Variants in SAMD4A observed in about 807,000 individuals in gnomAD.
SAMD4A encodes the protein sterile alpha motif domain containing 4A.
A neutral mutation model predicts 81.3 loss-of-function variants in SAMD4A; 33 were observed. The observed-to-expected ratio is 0.41, with a 90% CI of 0.31 to 0.54. The LOEUF (loss-of-function observed/expected upper bound fraction) is 0.54, where lower values mean the gene tolerates loss of function less well. SAMD4A is among the 20% of genes least tolerant of loss of function. SAMD4A has a pLI of 0.37. For missense variants in SAMD4A, 854 were observed against 951.1 expected (o/e 0.90, Z 1.34); for synonymous variants, 389 against 382.1 (o/e 1.02, Z -0.21).
At chr14:54,764,636 C>G in intron 8 of SAMD4A, 96 bp downstream of exon 8, 2 of 818,468 alleles carry the variant, frequency 2.4e-6, no homozygotes, top group Non-Finnish European at 4.0e-6. Flanking sequence ...CCTCCAACAA[C>G]TTGTTTTTGA....
chr14:54,614,504 C>A (rs1366911901), intron 2 of SAMD4A, among the ~76,000 whole-genome samples: 1 of 152,122 alleles, frequency 6.6e-6, no homozygotes, highest in Non-Finnish European at 1.5e-5. Flanking sequence ...ATACCATAAA[C>A]TTGGGTATTA....
At chr14:54,784,989 T>G (rs1162688425) in intron 12 of SAMD4A, among the ~76,000 whole-genome samples, 1 of 152,166 alleles carries the variant, frequency 6.6e-6, no homozygotes, top group Non-Finnish European at 1.5e-5. Flanking sequence ...TGGCTTTTAG[T>G]AGGAATATCC....
intron 2 of SAMD4A, among the ~76,000 whole-genome samples, chr14:54,686,421 A>C (rs1425497395): frequency 1.3e-5 from 2 of 152,202 alleles, no homozygotes; most frequent in Non-Finnish European, 2.9e-5. Flanking sequence ...GCGTCATATA[A>C]CAGTGAATTC....
At chr14:54,755,129 C>T (rs960839874) in intron 6 of SAMD4A, among the ~76,000 whole-genome samples, 23 of 152,026 alleles carry the variant, frequency 1.5e-4, no homozygotes, top group African/African-American at 5.6e-4. Context: ...CTTGATGGGA[C>T]CTTGAACCAA....
chr14:54,688,425 G>A, intron 2 of SAMD4A: 1 of 928,318 alleles, frequency 1.1e-6, no homozygotes. Flanking sequence ...TGAGCCTGTG[G>A]TAAAGATGCT....
intron 11 of SAMD4A, among the ~76,000 whole-genome samples, chr14:54,781,728 T>C (rs2039003568): frequency 1.3e-5 from 2 of 151,986 alleles, no homozygotes; most frequent in East Asian, 3.9e-4. Context: ...ACAGCAAGGG[T>C]TGGCCTGGTG....
At chr14:54,716,944 C>A (rs1381638278) in intron 3 of SAMD4A, among the ~76,000 whole-genome samples, 1 of 152,120 alleles carries the variant, frequency 6.6e-6, no homozygotes, top group Non-Finnish European at 1.5e-5. Flanking sequence ...TTCCCAGATA[C>A]ATCAGGAGTT....
At chr14:54,690,264 T>G (rs1348052391) in intron 2 of SAMD4A, among the ~76,000 whole-genome samples, 2 of 151,994 alleles carry the variant, frequency 1.3e-5, no homozygotes, top group African/African-American at 4.8e-5. Context: ...GGTGGATTCT[T>G]AAACTACATC....
intron 2 of SAMD4A, among the ~76,000 whole-genome samples, chr14:54,699,922 C>T (rs2036670017): frequency 7.1e-6 from 1 of 141,460 alleles, no homozygotes; most frequent in Non-Finnish European, 1.5e-5. Context: ...GAGACTTCTA[C>T]AAGTAGTTGA....
intron 2 of SAMD4A, among the ~76,000 whole-genome samples, chr14:54,646,296 A>G (rs1226159730): frequency 6.6e-6 from 1 of 152,194 alleles, no homozygotes; most frequent in African/African-American, 2.4e-5. Flanking sequence ...GTACTACCTA[A>G]GAAGAGGCCT....
intron 2 of SAMD4A, among the ~76,000 whole-genome samples, chr14:54,642,931 A>G (rs902341185): frequency 3.3e-5 from 5 of 152,152 alleles, no homozygotes; most frequent in Admixed American, 3.3e-4. Flanking sequence ...AGTGAGCCCA[A>G]TATGTGGGGT....
At chr14:54,721,190 G>A (rs1194561378) in intron 3 of SAMD4A, among the ~76,000 whole-genome samples, 1 of 152,126 alleles carries the variant, frequency 6.6e-6, no homozygotes, top group East Asian at 1.9e-4. Context: ...CAGGAACCTG[G>A]TCTTGTTCAC....
chr14:54,621,934 C>T (rs544652900), intron 2 of SAMD4A, among the ~76,000 whole-genome samples: 1 of 152,226 alleles, frequency 6.6e-6, no homozygotes, highest in African/African-American at 2.4e-5. Context: ...TATCCTTACT[C>T]ATTGTGTATT....
intron 2 of SAMD4A, among the ~76,000 whole-genome samples, chr14:54,671,294 T>C (rs1053373779): frequency 1.3e-5 from 2 of 152,154 alleles, no homozygotes; most frequent in African/African-American, 4.8e-5. Context: ...GAACCTTGGC[T>C]TTACTACTTA....
chr14:54,708,490 G>T (rs1384419519), intron 3 of SAMD4A, among the ~76,000 whole-genome samples: 2 of 152,192 alleles, frequency 1.3e-5, no homozygotes, highest in Non-Finnish European at 2.9e-5. Flanking sequence ...CACATGGGTG[G>T]TATTTAATGC....
intron 3 of SAMD4A, among the ~76,000 whole-genome samples, chr14:54,722,924 T>C (rs1215928544): frequency 6.6e-6 from 1 of 152,148 alleles, no homozygotes; most frequent in Non-Finnish European, 1.5e-5. Context: ...ACTTCTACTT[T>C]CAATAAAATG....
chr14:54,649,004 G>A (rs1342876939), intron 2 of SAMD4A, among the ~76,000 whole-genome samples: 1 of 152,206 alleles, frequency 6.6e-6, no homozygotes, highest in Non-Finnish European at 1.5e-5. Context: ...TGTTGAATGA[G>A]ATGTGTGGTG....
intron 2 of SAMD4A, among the ~76,000 whole-genome samples, chr14:54,575,443 GTC>G (rs2033260729): frequency 6.6e-6 from 1 of 152,174 alleles, no homozygotes. Context: ...CATTTTCTGA[GTC>G]TCTCTACAGT....
upstream of SAMD4A, among the ~76,000 whole-genome samples, chr14:54,566,680 C>T (rs995570188): frequency 2.0e-5 from 3 of 151,626 alleles, no homozygotes; most frequent in Admixed American, 6.6e-5. Flanking sequence ...CGGCCTGCGA[C>T]GCGCGGGCGA....
Sources: gnomAD v4.1 joint callset for allele counts (sites outside exome capture counted in the v4.1 genomes callset) on GRCh38, gnomAD v4.1.1 for gene constraint, MANE v1.5 for transcripts, NCBI Gene and HGNC (gene_info 2026-07-23, HGNC 2026-07-21) for gene names.